The following TRIM33 variants were observed in gnomAD, a reference collection of about 807,000 sequenced individuals.
The protein encoded by TRIM33 is tripartite motif containing 33.
TRIM33 carries 20 observed loss-of-function variants against 125.4 expected under a neutral mutation model. That is an observed-to-expected ratio of 0.16 (90% CI 0.11 to 0.23). The LOEUF (loss-of-function observed/expected upper bound fraction) is 0.23. TRIM33 is among the 10% of genes least tolerant of loss of function. The pLI is 1.00. For missense variants in TRIM33, 920 were observed against 1,411.4 expected (o/e 0.65, Z 5.58); for synonymous variants, 564 against 513.9 (o/e 1.10, Z -1.32).
intron 1 of TRIM33, among the ~76,000 whole-genome samples, chr1:114,474,410 A>T (rs1206486918): frequency 2.1e-5 from 2 of 93,618 alleles, no homozygotes; most frequent in Non-Finnish European, 2.6e-5. Context: ...TCTACAAATT[A>T]AAAAAAAAAA....
intron 1 of TRIM33, among the ~76,000 whole-genome samples, chr1:114,475,275 T>C (rs1015038583): frequency 7.2e-5 from 11 of 152,322 alleles, no homozygotes; most frequent in Middle Eastern, 3.4e-3. Flanking sequence ...TTTCCAACTT[T>C]AATAAAAACT....
rs998301405 is a variant in TRIM33 at position 114,396,888 on chromosome 1, G to T, written c.*760C>A. ...ACTGTATGATCACATGATTTGATTG[G>T]GAAGTACAATTGTGAGGAAGTGTTT... is the stretch of plus-strand genomic sequence containing the variant. On this transcript the variant is annotated 3_prime_UTR_variant, in exon 20 of 20. Coordinates refer to ENST00000358465, the MANE Select transcript of TRIM33 (RefSeq NM_015906.4). 3 of 211,096 alleles carry T rather than the reference G, an allele frequency of 1.4e-5. No individual in the cohort carries two copies. Among genetic ancestry groups the T allele is most frequent in the Non-Finnish European group, 2.9e-5 (3 of 104,078 alleles). 13.1% of individuals were successfully genotyped at this position (211,096 alleles called of 1,614,324 possible).
At chr1:114,402,736 C>G in intron 16 of TRIM33, 24 bp downstream of exon 16, 1 of 1,606,366 alleles carries the variant, frequency 6.2e-7, no homozygotes, top group African/African-American at 1.3e-5. Context: ...ATCCCAGTGA[C>G]AAATCAACTT....
At chr1:114,427,050 A>G (rs1647633196) in intron 8 of TRIM33, 127 bp downstream of exon 8, 7 of 516,910 alleles carry the variant, frequency 1.4e-5, no homozygotes. Flanking sequence ...GAATAACAAC[A>G]TATTTTTACA....
rs1220480320 is a variant in TRIM33 at position 114,426,972 on chromosome 1, G to A, written c.1420+205C>T. On this transcript the variant is annotated intron_variant, in intron 8 of 19. Transcript: ENST00000358465. Reference sequence around the variant, plus strand: ...CACACATTAAAAAACAATATACAGAGTAGACGCTCAACTTTCTTAAGATGT... The same window carrying A: ...CACACATTAAAAAACAATATACAGAATAGACGCTCAACTTTCTTAAGATGT... 3.3e-5 allele frequency among the ~76,000 whole-genome samples: 5 copies of A among 152,256 alleles called. No individual in the cohort carries two copies. In the East Asian group the frequency reaches 7.7e-4, roughly 23 times the overall value.
At chr1:114,466,631 T>C (rs1650317952) in intron 1 of TRIM33, among the ~76,000 whole-genome samples, 1 of 152,174 alleles carries the variant, frequency 6.6e-6, no homozygotes, top group African/African-American at 2.4e-5. Context: ...ACACCAAGGC[T>C]CAGGTGAGAT....
At chr1:114,449,881 C>T (rs1296835895) in intron 4 of TRIM33, among the ~76,000 whole-genome samples, 1 of 152,138 alleles carries the variant, frequency 6.6e-6, no homozygotes, top group Non-Finnish European at 1.5e-5. Flanking sequence ...ACAGGATCCT[C>T]AGTTTTCATT....
Position 114,425,639 on chromosome 1 carries a change from A to G in TRIM33, c.1505T>C (p.Ile502Thr). 6.2e-7 allele frequency: 1 copy of G among 1,614,176 alleles called. No individual in the cohort carries two copies. The highest frequency in any genetic ancestry group is 1.1e-5 in the South Asian group (1 of 91,086). Residue 502 changes from isoleucine (I) to threonine (T), a missense_variant, in exon 9 of 20, where the codon ATT (isoleucine) becomes ACT (threonine). Transcript: ENST00000358465. ...VGQVPPGTNH[I>T]SKTPGQINLA... ...GTTAATCTGTCCAGGGGTTTTACTA[A>G]TGTGGTTTGTCCCTGGAGGAACTTG...
At position 114,466,473 on chromosome 1, in the gene TRIM33, G is replaced by A. The variant is rs949999694; in HGVS notation, c.527-2085C>T. Among the ~76,000 whole-genome samples the A allele has an allele frequency of 2.0e-5, 3 of 152,118 alleles. No homozygotes were observed. The East Asian group carries it at 5.8e-4, about 29-fold the overall frequency. ...TTCCTGGGAGATGACCTCTGAGCCCGTGGAAAATTCTGCCTGGTAAGAGTA... is the reference window on the plus strand; with the variant it reads ...TTCCTGGGAGATGACCTCTGAGCCCATGGAAAATTCTGCCTGGTAAGAGTA... On this transcript the variant is annotated intron_variant, in intron 1 of 19. Transcript: ENST00000358465.
rs532373240 is a variant in TRIM33, at chr1:114,461,922, A to G, written c.923+1182T>C. ...AATATACTGTAAAGCTGTGAGAGAT[A>G]CCTTGAAAAAGAACAAAAAGCACTA... On this transcript the variant is annotated intron_variant, in intron 4 of 19. Coordinates refer to ENST00000358465, the MANE Select transcript of TRIM33 (RefSeq NM_015906.4). Among the ~76,000 whole-genome samples, 3 of 152,332 alleles carry G rather than the reference A, an allele frequency of 2.0e-5. No individual in the cohort carries two copies. In the East Asian group the frequency reaches 5.8e-4, roughly 29 times the overall value.
chr1:114,481,174 A>C (rs928555933), intron 1 of TRIM33, among the ~76,000 whole-genome samples: 3 of 152,130 alleles, frequency 2.0e-5, no homozygotes, highest in Non-Finnish European at 4.4e-5. Context: ...CTCTGTCTCC[A>C]AAAAAGAAAG....
intron 1 of TRIM33, among the ~76,000 whole-genome samples, chr1:114,478,127 C>A (rs532801872): frequency 6.6e-6 from 1 of 152,324 alleles, no homozygotes; most frequent in Admixed American, 6.5e-5. Context: ...CACACTTATT[C>A]TACAAAGACT....
chr1:114,403,694 T>C (rs981429951), intron 15 of TRIM33, among the ~76,000 whole-genome samples: 4 of 152,118 alleles, frequency 2.6e-5, no homozygotes, highest in Non-Finnish European at 5.9e-5. Context: ...CCTGCTACCA[T>C]GCCCAGCTAA....
At chr1:114,403,670 T>G (rs984225289) in intron 15 of TRIM33, among the ~76,000 whole-genome samples, 2 of 152,166 alleles carry the variant, frequency 1.3e-5, no homozygotes, top group African/African-American at 4.8e-5. Flanking sequence ...CCTACGTAGC[T>G]GGGATCACAG....
At chr1:114,440,751 A>G (rs1478133735) in intron 4 of TRIM33, among the ~76,000 whole-genome samples, 2 of 152,158 alleles carry the variant, frequency 1.3e-5, no homozygotes, top group African/African-American at 4.8e-5. Context: ...TGCATTTTCA[A>G]TGTAAAAAAA....
chr1:114,500,031 G>A (rs1018556733), intron 1 of TRIM33, among the ~76,000 whole-genome samples: 2 of 152,130 alleles, frequency 1.3e-5, no homozygotes, highest in African/African-American at 4.8e-5. Context: ...GCCAGACATG[G>A]TGGCGGGCGC....
chr1:114,471,702 A>T (rs892292341), intron 1 of TRIM33, among the ~76,000 whole-genome samples: 5 of 152,230 alleles, frequency 3.3e-5, no homozygotes, highest in South Asian at 2.1e-4. Context: ...AGTAAAAGTT[A>T]AAAAAGCATT....
intron 1 of TRIM33, among the ~76,000 whole-genome samples, chr1:114,464,782 G>T (rs1650187924): frequency 6.6e-6 from 1 of 152,204 alleles, no homozygotes; most frequent in Non-Finnish European, 1.5e-5. Flanking sequence ...TTATCAGGGG[G>T]AGGAAGAGGA....
At chr1:114,445,031 GA>G (rs1195273051) in intron 4 of TRIM33, among the ~76,000 whole-genome samples, 1 of 152,152 alleles carries the variant, frequency 6.6e-6, no homozygotes, top group Non-Finnish European at 1.5e-5. Context: ...TAACTGAAAT[GA>G]AAAACGTCAC....
Sources: gnomAD v4.1 joint callset for allele counts (sites outside exome capture counted in the v4.1 genomes callset) on GRCh38, gnomAD v4.1.1 for gene constraint, MANE v1.5 for transcripts, NCBI Gene and HGNC (gene_info 2026-07-23, HGNC 2026-07-21) for gene names.